Variants in DRC5 observed in about 807,000 individuals in gnomAD.
The protein encoded by DRC5 is dynein regulatory complex subunit 5, also known as T-complex-associated testis-expressed protein 1.
chr6:44,285,138 C>T, the DRC5 span, among the ~76,000 whole-genome samples: 1 of 152,230 alleles, frequency 6.6e-6, no homozygotes, highest in East Asian at 1.9e-4. Context: ...ACGCTCCTCC[C>T]TCTGAGACTG....
chr6:44,279,431 G>A, the DRC5 span: 1 of 152,164 alleles, frequency 6.6e-6, no homozygotes, highest in Admixed American at 6.5e-5. Flanking sequence ...ATAAAGTCGT[G>A]GATGACTCAC....
At chr6:44,292,436 T>C in the DRC5 span, among the ~76,000 whole-genome samples, 3 of 152,184 alleles carry the variant, frequency 2.0e-5, no homozygotes, top group African/African-American at 7.2e-5. Context: ...AGTACCTGCA[T>C]CACTCCAGTA....
At chr6:44,294,902 A>G in the DRC5 span, among the ~76,000 whole-genome samples, 1 of 152,176 alleles carries the variant, frequency 6.6e-6, no homozygotes, top group Middle Eastern at 3.4e-3. Flanking sequence ...CCTGTTTCAC[A>G]GATTGGTCTT....
the DRC5 span, among the ~76,000 whole-genome samples, chr6:44,285,333 TAAG>T: frequency 6.6e-6 from 1 of 152,224 alleles, no homozygotes; most frequent in African/African-American, 2.4e-5. Flanking sequence ...TTCAGATAAA[TAAG>T]AACGCCCCAT....
the DRC5 span, chr6:44,280,270 T>C: frequency 6.2e-7 from 1 of 1,614,184 alleles, no homozygotes; most frequent in Non-Finnish European, 8.5e-7. Flanking sequence ...GCTTCTCGGT[T>C]TGCGTAGAGG....
the DRC5 span, among the ~76,000 whole-genome samples, chr6:44,297,347 C>CTT: frequency 6.6e-6 from 1 of 152,230 alleles, no homozygotes; most frequent in Non-Finnish European, 1.5e-5. Flanking sequence ...GGATGCCCCA[C>CTT]TTTCCCCCTC....
chr6:44,287,592 G>A, the DRC5 span: 1 of 1,614,022 alleles, frequency 6.2e-7, no homozygotes, highest in Non-Finnish European at 8.5e-7. Flanking sequence ...GCTCTGTGAG[G>A]AGGGGCACGA....
chr6:44,278,893 A>ACACC, the DRC5 span: 26 of 149,578 alleles, frequency 1.7e-4, no homozygotes, highest in South Asian at 6.4e-4. Flanking sequence ...ACACACACAC[A>ACACC]CCCTCACACC....
the DRC5 span, among the ~76,000 whole-genome samples, chr6:44,290,367 A>G: frequency 1.3e-5 from 2 of 152,150 alleles, no homozygotes; most frequent in Non-Finnish European, 2.9e-5. Context: ...GTCGGTTAAT[A>G]TTGATCATTG....
At chr6:44,280,343 G>C in the DRC5 span, 13 of 1,614,080 alleles carry the variant, frequency 8.1e-6, 1 homozygote, top group South Asian at 9.9e-5. Flanking sequence ...CAAATTCCAG[G>C]AGGGTCTTGT....
chr6:44,286,569 T>C, the DRC5 span: 5 of 1,561,202 alleles, frequency 3.2e-6, no homozygotes, highest in East Asian at 1.1e-4. Flanking sequence ...GGGGTCACAG[T>C]GTTGGGGGAC....
chr6:44,282,014 A>G, the DRC5 span: 14 of 1,167,662 alleles, frequency 1.2e-5, no homozygotes, highest in Admixed American at 1.5e-4. Context: ...TGCAGTATGT[A>G]GTATGTAAAC....
the DRC5 span, among the ~76,000 whole-genome samples, chr6:44,290,983 GCTGCTGTTTTGTGC>G: frequency 1.3e-5 from 2 of 152,174 alleles, no homozygotes; most frequent in Non-Finnish European, 2.9e-5. Flanking sequence ...AATTGGTCTT[GCTGCTGTTTTGTGC>G]CTGCAGCCTG....
the DRC5 span, chr6:44,286,196 T>C: frequency 6.2e-7 from 1 of 1,611,738 alleles, no homozygotes; most frequent in Non-Finnish European, 8.5e-7. Flanking sequence ...CGGCCGGAGC[T>C]GGGCCGGGAG....
chr6:44,288,247 C>T, the DRC5 span, among the ~76,000 whole-genome samples: 7 of 152,180 alleles, frequency 4.6e-5, no homozygotes, highest in Non-Finnish European at 1.0e-4. Context: ...AGTAATTGCT[C>T]TGTGCCAGAC....
the DRC5 span, among the ~76,000 whole-genome samples, chr6:44,294,786 AAAAAAAAG>A: frequency 4.6e-5 from 7 of 150,798 alleles, no homozygotes; most frequent in Admixed American, 4.0e-4. Context: ...AAAAAAAAAA[AAAAAAAAG>A]AAAGAAAGAA....
At chr6:44,283,788 C>T in the DRC5 span, among the ~76,000 whole-genome samples, 1 of 152,226 alleles carries the variant, frequency 6.6e-6, no homozygotes. Flanking sequence ...CCAAAATACC[C>T]TCTTATAATC....
At chr6:44,278,868 T>TACACACAC in the DRC5 span, 1 of 48,918 alleles carries the variant, frequency 2.0e-5, no homozygotes, top group East Asian at 8.7e-4. Flanking sequence ...CAGCTGTGGC[T>TACACACAC]ATACACACAC....
At chr6:44,295,685 C>T in the DRC5 span, among the ~76,000 whole-genome samples, 45 of 152,250 alleles carry the variant, frequency 3.0e-4, no homozygotes, top group Non-Finnish European at 6.3e-4. Context: ...TTATTGAGAG[C>T]TCTAGGCCTT....
Sources: gnomAD v4.1 joint callset for allele counts (sites outside exome capture counted in the v4.1 genomes callset) on GRCh38, gnomAD v4.1.1 for gene constraint, MANE v1.5 for transcripts, NCBI Gene and HGNC (gene_info 2026-07-23, HGNC 2026-07-21) for gene names.